The following RBMS3 variants were observed in gnomAD, a reference collection of about 807,000 sequenced individuals.
RBMS3 encodes RNA-binding motif, single-stranded-interacting protein 3.
A neutral mutation model predicts 66.8 loss-of-function variants in RBMS3; 27 were observed. The ratio of observed to expected loss-of-function variants is 0.40; its 90% CI spans 0.30 to 0.56. The LOEUF is 0.56. RBMS3 is among the 20% of genes least tolerant of loss of function. RBMS3 has a pLI of 0.40. For synonymous variants in RBMS3, 188 were observed against 183.0 expected, an observed-to-expected ratio of 1.03 and a Z score of -0.22; for missense variants, 513 against 549.5, an observed-to-expected ratio of 0.93 and a Z score of 0.66.
intron 3 of RBMS3, among the ~76,000 whole-genome samples, chr3:29,531,490 T>TC (rs1406454616): frequency 6.6e-6 from 1 of 152,232 alleles, no homozygotes; most frequent in African/African-American, 2.4e-5. Context: ...CTCAATTTTT[T>TC]CACTTCATTT....
At chr3:29,864,275 C>G in intron 6 of RBMS3, among the ~76,000 whole-genome samples, 1 of 152,080 alleles carries the variant, frequency 6.6e-6, no homozygotes, top group East Asian at 1.9e-4. Flanking sequence ...GAAACAACAG[C>G]AAAGGAACAG....
intron 7 of RBMS3, among the ~76,000 whole-genome samples, chr3:29,880,177 T>G (rs2059702830): frequency 6.6e-6 from 1 of 152,152 alleles, no homozygotes; most frequent in South Asian, 2.1e-4. Context: ...AGTGTCCTAT[T>G]TTGGCTGAAA....
intron 3 of RBMS3, among the ~76,000 whole-genome samples, chr3:29,498,072 G>A (rs535721797): frequency 6.9e-4 from 84 of 121,178 alleles, no homozygotes; most frequent in African/African-American, 2.6e-3. Context: ...TCAGTTCACC[G>A]CAACCTCCGC....
intron 2 of RBMS3, among the ~76,000 whole-genome samples, chr3:29,453,649 T>C (rs1221729068): frequency 3.9e-5 from 6 of 152,194 alleles, no homozygotes; most frequent in Admixed American, 3.9e-4. Flanking sequence ...CTGTGGTGTC[T>C]GGCTGGAATT....
At chr3:29,621,548 T>C (rs761070678) in intron 4 of RBMS3, among the ~76,000 whole-genome samples, 3 of 152,200 alleles carry the variant, frequency 2.0e-5, no homozygotes, top group Non-Finnish European at 4.4e-5. Context: ...TCATTGTATT[T>C]TGTATTAAAC....
chr3:29,979,543 C>A (rs561734015), intron 12 of RBMS3, among the ~76,000 whole-genome samples: 11 of 152,098 alleles, frequency 7.2e-5, no homozygotes, highest in Non-Finnish European at 1.2e-4. Context: ...TCCATCAACC[C>A]GTCATCTACA....
chr3:29,416,264 TG>T (rs1308892402), intron 1 of RBMS3, among the ~76,000 whole-genome samples: 1 of 152,168 alleles, frequency 6.6e-6, no homozygotes, highest in Non-Finnish European at 1.5e-5. Flanking sequence ...AGTGCAGGTT[TG>T]CCTAGAAGCT....
At chr3:29,789,258 C>T (rs115561530) in intron 6 of RBMS3, among the ~76,000 whole-genome samples, 3,823 of 151,902 alleles carry the variant, frequency 0.025, 69 homozygotes, top group Admixed American at 0.042. Flanking sequence ...ACGTATTTAT[C>T]CTTTTTAAAA....
intron 4 of RBMS3, among the ~76,000 whole-genome samples, chr3:29,611,293 G>A (rs7613001): frequency 6.6e-6 from 1 of 152,004 alleles, no homozygotes; most frequent in Non-Finnish European, 1.5e-5. Context: ...CGTTTAGAAG[G>A]CATATTCTTC....
At chr3:29,425,465 C>T (rs1342355392) in intron 1 of RBMS3, among the ~76,000 whole-genome samples, 1 of 148,962 alleles carries the variant, frequency 6.7e-6, no homozygotes, top group Non-Finnish European at 1.5e-5. Context: ...AACCCCGTCT[C>T]TACTAAAAAT....
intron 10 of RBMS3, among the ~76,000 whole-genome samples, chr3:29,927,484 A>G (rs1689181308): frequency 6.6e-6 from 1 of 152,180 alleles, no homozygotes; most frequent in Non-Finnish European, 1.5e-5. Context: ...TCAGGGAAGA[A>G]ATAAAGTTTG....
chr3:29,639,378 T>A (rs1014911418), intron 4 of RBMS3, among the ~76,000 whole-genome samples: 4 of 151,878 alleles, frequency 2.6e-5, no homozygotes, highest in Non-Finnish European at 5.9e-5. Flanking sequence ...GGGGAAATTT[T>A]TGAAAATTGT....
At chr3:29,904,429 T>A (rs891931146) in intron 10 of RBMS3, among the ~76,000 whole-genome samples, 38 of 151,986 alleles carry the variant, frequency 2.5e-4, no homozygotes, top group African/African-American at 8.7e-4. Context: ...TATTATGATT[T>A]GCTTTATTTT....
chr3:29,397,009 C>T (rs7642033), intron 1 of RBMS3, among the ~76,000 whole-genome samples: 104,535 of 151,990 alleles, frequency 0.69, 36,170 homozygotes, highest in South Asian at 0.78. Flanking sequence ...AATGCAGTTG[C>T]CTTTGTAGCC....
At chr3:29,804,843 A>C (rs1010567830) in intron 6 of RBMS3, among the ~76,000 whole-genome samples, 8 of 151,928 alleles carry the variant, frequency 5.3e-5, no homozygotes, top group Non-Finnish European at 8.8e-5. Flanking sequence ...TAAAGATACT[A>C]GTTGCTTTAA....
chr3:29,624,565 C>CT, intron 4 of RBMS3, among the ~76,000 whole-genome samples: 1 of 151,876 alleles, frequency 6.6e-6, no homozygotes, highest in Non-Finnish European at 1.5e-5. Context: ...TTTATGAACT[C>CT]TTTTTCTGAT....
chr3:29,876,206 C>G lies in RBMS3; in HGVS notation c.744+7242C>G, dbSNP rs1463138225. ...AGCTTATTCTAATTCCTCCTAGGTT[C>G]CTGCCTGTAATTTGGTTTGAGCCCA... On this transcript the variant is annotated intron_variant, in intron 7 of 14. Coordinates refer to ENST00000383767, the MANE Select transcript of RBMS3 (RefSeq NM_001003793.3). Among the ~76,000 whole-genome samples, 3 of 152,068 alleles carry G rather than the reference C, an allele frequency of 2.0e-5. No homozygotes were observed. The East Asian group carries it at 5.8e-4, about 29-fold the overall frequency.
intron 1 of RBMS3, among the ~76,000 whole-genome samples, chr3:29,311,677 G>A (rs1028384642): frequency 2.0e-5 from 3 of 151,806 alleles, no homozygotes; most frequent in African/African-American, 7.2e-5. Flanking sequence ...TAGAGTAATA[G>A]GCGTAAGAGC....
intron 4 of RBMS3, among the ~76,000 whole-genome samples, chr3:29,704,299 T>C (rs1239223752): frequency 6.6e-6 from 1 of 150,888 alleles, no homozygotes; most frequent in Non-Finnish European, 1.5e-5. Context: ...TCTTTGCTTC[T>C]ATTTCAATTA....
Sources: allele counts gnomAD v4.1 joint callset (sites outside exome capture counted in the v4.1 genomes callset), GRCh38; gene constraint gnomAD v4.1.1; transcripts MANE v1.5; gene names NCBI Gene and HGNC (gene_info 2026-07-23, HGNC 2026-07-21).